DCC: variants seen among roughly 807,000 people sequenced by gnomAD.
DCC encodes netrin receptor DCC.
DCC carries 58 observed loss-of-function variants against 172.5 expected under a neutral mutation model. The ratio of observed to expected loss-of-function variants is 0.34; its 90% CI spans 0.27 to 0.42. The LOEUF (loss-of-function observed/expected upper bound fraction) is 0.42, where lower values mean the gene tolerates loss of function less well. DCC is among the 10% of genes least tolerant of loss of function. The probability of loss-of-function intolerance (pLI) is 1.00; values close to 1 mark genes in which losing one functional copy is unlikely to be tolerated. For missense variants in DCC, 1,740 were observed against 1,791.0 expected (o/e 0.97, Z 0.51); for synonymous variants, 709 against 644.5 (o/e 1.10, Z -1.52).
intron 10 of DCC, 80 bp downstream of exon 10, chr18:53,205,444 G>A: frequency 2.1e-6 from 3 of 1,432,296 alleles, no homozygotes; most frequent in Non-Finnish European, 2.0e-6. Flanking sequence ...TGGAGAAATA[G>A]GAAAAGACTC....
chr18:53,222,128 C>G (rs1170539526), intron 12 of DCC, among the ~76,000 whole-genome samples: 1 of 151,860 alleles, frequency 6.6e-6, no homozygotes, highest in African/African-American at 2.4e-5. Flanking sequence ...AAATTACAGT[C>G]AATGAATAAA....
intron 1 of DCC, among the ~76,000 whole-genome samples, chr18:52,664,392 C>T (rs539582750): frequency 7.9e-5 from 12 of 151,522 alleles, no homozygotes; most frequent in Middle Eastern, 3.4e-3. Context: ...ATCTGGGAAA[C>T]GGCATATTTT....
At chr18:53,427,620 C>T (rs1433645548) in intron 21 of DCC, among the ~76,000 whole-genome samples, 3 of 151,218 alleles carry the variant, frequency 2.0e-5, no homozygotes, top group South Asian at 2.1e-4. Flanking sequence ...TCTTTTCTCA[C>T]CTGAAATCTT....
intron 1 of DCC, among the ~76,000 whole-genome samples, chr18:52,355,372 A>G (rs1984315455): frequency 6.6e-6 from 1 of 152,148 alleles, no homozygotes; most frequent in South Asian, 2.1e-4. Context: ...AAATCTACGA[A>G]TGAGTTCCAT....
chr18:52,500,380 G>T (rs746344757), intron 1 of DCC, among the ~76,000 whole-genome samples: 1 of 152,134 alleles, frequency 6.6e-6, no homozygotes, highest in Non-Finnish European at 1.5e-5. Context: ...TCTTAGGGAG[G>T]AATTCACCTC....
chr18:52,673,452 G>A (rs1230881636), intron 1 of DCC, among the ~76,000 whole-genome samples: 1 of 152,158 alleles, frequency 6.6e-6, no homozygotes, highest in Admixed American at 6.5e-5. Context: ...TTTAGACTGA[G>A]GTTGTGTTTT....
At chr18:53,071,933 A>G (rs550403400) in intron 7 of DCC, among the ~76,000 whole-genome samples, 2 of 152,152 alleles carry the variant, frequency 1.3e-5, no homozygotes, top group South Asian at 4.1e-4. Flanking sequence ...GTTTGAGACC[A>G]AACTGGCCAA....
intron 7 of DCC, among the ~76,000 whole-genome samples, chr18:53,097,104 T>C (rs868044141): frequency 6.6e-6 from 1 of 152,204 alleles, no homozygotes; most frequent in African/African-American, 2.4e-5. Context: ...CAAAAAGTTG[T>C]ATTACTGTGC....
Position 52,382,018 on chromosome 18 carries a change from A to G in DCC, c.91+41140A>G, listed in dbSNP as rs973017437. On this transcript the variant is annotated intron_variant, in intron 1 of 28. Coordinates refer to ENST00000442544, the MANE Select transcript of DCC (RefSeq NM_005215.4). ...GCCTCTTAGTTCCTTAAGGAGTCAC[A>G]TATCTTTGGATGAGGATCTAAGACT... is the stretch of plus-strand genomic sequence containing the variant. 1.4e-4 allele frequency among the ~76,000 whole-genome samples: 22 copies of G among 152,300 alleles called. 1 individual carries two copies. In the South Asian group the frequency reaches 2.7e-3, roughly 19 times the overall value.
intron 15 of DCC, among the ~76,000 whole-genome samples, chr18:53,365,057 T>C (rs1315242307): frequency 6.6e-6 from 1 of 152,046 alleles, no homozygotes; most frequent in Non-Finnish European, 1.5e-5. Flanking sequence ...GTATATCTCC[T>C]AATACTATCC....
At chr18:52,365,353 C>T (rs1224180398) in intron 1 of DCC, among the ~76,000 whole-genome samples, 2 of 152,096 alleles carry the variant, frequency 1.3e-5, no homozygotes, top group Admixed American at 6.6e-5. Flanking sequence ...CAGACAAGAT[C>T]CTTGAAAACT....
chr18:52,692,930 G>C (rs1288280537), intron 1 of DCC, among the ~76,000 whole-genome samples: 1 of 152,158 alleles, frequency 6.6e-6, no homozygotes, highest in Non-Finnish European at 1.5e-5. Flanking sequence ...ACAGTCATTA[G>C]AAAGAAATGT....
intron 2 of DCC, among the ~76,000 whole-genome samples, chr18:52,871,456 A>T (rs1017345179): frequency 6.6e-6 from 1 of 151,870 alleles, no homozygotes; most frequent in Non-Finnish European, 1.5e-5. Context: ...ACCCTAGGCT[A>T]CCCCTCTTTT....
At chr18:53,320,477 A>C (rs866078306) in intron 13 of DCC, among the ~76,000 whole-genome samples, 1 of 152,154 alleles carries the variant, frequency 6.6e-6, no homozygotes, top group African/African-American at 2.4e-5. Flanking sequence ...TTCTCTCCCT[A>C]TTAATTTTTT....
At chr18:52,475,377 A>C (rs1354006466) in intron 1 of DCC, among the ~76,000 whole-genome samples, 4 of 152,210 alleles carry the variant, frequency 2.6e-5, no homozygotes, top group Non-Finnish European at 5.9e-5. Flanking sequence ...TGTGGATAAT[A>C]AATAATACCA....
chr18:52,947,329 T>C (rs980925636), intron 5 of DCC, among the ~76,000 whole-genome samples: 4 of 152,168 alleles, frequency 2.6e-5, no homozygotes, highest in Admixed American at 1.3e-4. Context: ...GCAAACTGTC[T>C]ATATATTTGT....
At chr18:52,805,689 G>A (rs546279344) in intron 2 of DCC, among the ~76,000 whole-genome samples, 1 of 152,132 alleles carries the variant, frequency 6.6e-6, no homozygotes, top group African/African-American at 2.4e-5. Flanking sequence ...ATGAATACTA[G>A]AAATGAATGT....
intron 1 of DCC, among the ~76,000 whole-genome samples, chr18:52,568,706 A>C (rs2033222825): frequency 6.6e-6 from 1 of 152,062 alleles, no homozygotes; most frequent in South Asian, 2.1e-4. Flanking sequence ...ACACCCCCAC[A>C]CTTCTCATTT....
chr18:52,565,100 C>A (rs1399647114), intron 1 of DCC, among the ~76,000 whole-genome samples: 1 of 152,108 alleles, frequency 6.6e-6, no homozygotes, highest in African/African-American at 2.4e-5. Context: ...TGTAAGACTT[C>A]TCTTCTAACC....
Sources: allele counts gnomAD v4.1 joint callset (sites outside exome capture counted in the v4.1 genomes callset), GRCh38; gene constraint gnomAD v4.1.1; transcripts MANE v1.5; gene names NCBI Gene and HGNC (gene_info 2026-07-23, HGNC 2026-07-21).